Variants in PIAS4 observed in about 807,000 individuals in gnomAD.
PIAS4 encodes protein inhibitor of activated STAT 4.
PIAS4 carries 7 observed loss-of-function variants against 58.0 expected under a neutral mutation model. The observed-to-expected ratio is 0.12, with a 90% CI of 0.07 to 0.23. The LOEUF is 0.23. Among genes scored for constraint, PIAS4 ranks in the 10% least tolerant of loss-of-function variants. PIAS4 has a pLI of 1.00. For synonymous variants in PIAS4, 364 were observed against 312.4 expected, an observed-to-expected ratio of 1.17 and a Z score of -1.74; for missense variants, 550 against 709.5, an observed-to-expected ratio of 0.78 and a Z score of 2.55.
At chr19:4,012,620 C>T (rs2040007012) in intron 1 of PIAS4, among the ~76,000 whole-genome samples, 1 of 152,124 alleles carries the variant, frequency 6.6e-6, no homozygotes, top group African/African-American at 2.4e-5. Context: ...TCAGTTCCTG[C>T]CCTGGGGATG....
chr19:4,012,637 G>C (rs1205790588), intron 1 of PIAS4, among the ~76,000 whole-genome samples: 1 of 152,160 alleles, frequency 6.6e-6, no homozygotes, highest in African/African-American at 2.4e-5. Flanking sequence ...GATGCTTTCA[G>C]GCTGAAGACA....
intron 7 of PIAS4, 130 bp from the exon 8 acceptor site, chr19:4,032,970 C>A: frequency 2.8e-6 from 2 of 721,124 alleles, no homozygotes; most frequent in South Asian, 3.5e-5. Context: ...AGCCACACAG[C>A]GAAGCTTGGG....
In PIAS4 at chr19:4,013,222, C is replaced by T. The variant is rs200263018; in HGVS notation, c.327C>T (p.Pro109=). 65 of 1,613,538 alleles carry T rather than the reference C, an allele frequency of 4.0e-5. No individual in the cohort carries two copies. Among genetic ancestry groups the T allele is most frequent in the East Asian group, 2.9e-4 (13 of 44,884 alleles). ...TPLAGPNIDY[P]VLYGKYLNGL... Reference sequence around the variant, plus strand: ...TGGCAGGCCCCAATATTGACTACCCCGTGCTCTACGGAAAGTACTTAAACG... The same window carrying T: ...TGGCAGGCCCCAATATTGACTACCCTGTGCTCTACGGAAAGTACTTAAACG... The change falls in exon 2 of 11, where the codon CCC becomes CCT. Residue 109 remains proline (P), a synonymous_variant. Transcript: ENST00000262971. This position sits in a 1 kb window ranked among gnomAD's most constrained non-coding sequence, Gnocchi z 5.1.
At chr19:4,036,718 ATC>A (rs2040297231) in intron 9 of PIAS4, among the ~76,000 whole-genome samples, 1 of 120,692 alleles carries the variant, frequency 8.3e-6, no homozygotes, top group South Asian at 2.7e-4. Context: ...ACACACACAC[ATC>A]TCTACAGTCC....
chr19:4,012,510 A>AC (rs906275600), intron 1 of PIAS4, among the ~76,000 whole-genome samples: 36 of 152,082 alleles, frequency 2.4e-4, no homozygotes, highest in Admixed American at 8.5e-4. Flanking sequence ...CCAGTGCTTT[A>AC]TGTCATTATC....
chr19:4,033,589 G>A lies in PIAS4; in HGVS notation c.1142+9G>A, dbSNP rs201403483. On this transcript the variant is annotated intron_variant, in intron 9 of 10. Coordinates refer to ENST00000262971, the MANE Select transcript of PIAS4 (RefSeq NM_015897.4). Reference sequence around the variant, plus strand: ...CAGCTCATCATCGACGGGTGAGCCCGGGGCCCCGGGGAGGGCGGCCGGAGC... The same window carrying A: ...CAGCTCATCATCGACGGGTGAGCCCAGGGCCCCGGGGAGGGCGGCCGGAGC... 53 of 1,591,790 alleles carry A rather than the reference G, an allele frequency of 3.3e-5. No homozygotes were observed. In the Admixed American group the frequency reaches 4.1e-4, roughly 12 times the overall value.
In PIAS4 at chr19:4,037,259, G is replaced by T; in HGVS notation, c.1143-115G>T. 7.4e-7 allele frequency: 1 copy of T among 1,343,460 alleles called. No homozygotes were observed. Among genetic ancestry groups the T allele is most frequent in the Non-Finnish European group, 1.0e-6 (1 of 996,834 alleles). 83.2% of individuals were successfully genotyped at this position (1,343,460 alleles called of 1,614,324 possible). On this transcript the variant is annotated intron_variant, in intron 9 of 10. Transcript: ENST00000262971. The surrounding 1 kb of genome is among the most constrained non-coding windows in gnomAD (Gnocchi z 5.8). ...CCCCTGCGGTCGGGGTGGTGAGGCT[G>T]CTCTTGCAGAGAGAAGTGGGGAGTG...
chr19:4,011,682 GA>G (rs1363307304), intron 1 of PIAS4, among the ~76,000 whole-genome samples: 1 of 138,168 alleles, frequency 7.2e-6, no homozygotes, highest in Non-Finnish European at 1.7e-5. Flanking sequence ...GGGGGGTGTG[GA>G]GGTGTGTGGG....
intron 2 of PIAS4, among the ~76,000 whole-genome samples, chr19:4,016,761 G>A (rs1031477074): frequency 6.6e-6 from 1 of 152,190 alleles, no homozygotes; most frequent in Admixed American, 6.5e-5. Flanking sequence ...GGCAGAGGCC[G>A]ATGGCCAGAG....
At position 4,020,211 on chromosome 19, in the gene PIAS4, C is replaced by T. The variant is rs879441791; in HGVS notation, c.455-3825C>T. ...GATTACAGGCGTGAGCCACTGCACC[C>T]GGCTTCTCGTGGGTTTTAATTGAGA... On this transcript the variant is annotated intron_variant, in intron 2 of 10. Coordinates refer to ENST00000262971, the MANE Select transcript of PIAS4 (RefSeq NM_015897.4). Among the ~76,000 whole-genome samples the T allele has an allele frequency of 1.2e-4, 18 of 152,288 alleles. No individual in the cohort carries two copies. In the East Asian group the frequency reaches 1.7e-3, roughly 15 times the overall value.
Position 4,037,917 on chromosome 19 carries a change from A to T in PIAS4, c.*42A>T. The T allele has an allele frequency of 6.4e-7, 1 of 1,553,888 alleles. No homozygotes were observed. On this transcript the variant is annotated 3_prime_UTR_variant, in exon 11 of 11. Transcript: ENST00000262971. The surrounding 1 kb of genome is among the most constrained non-coding windows in gnomAD (Gnocchi z 5.8). ...GACTTTCCTGGTGCTCACCACGCAG[A>T]GGGGCACGGGCCAGCCTCGGGCGCA... is the stretch of plus-strand genomic sequence containing the variant.
At chr19:4,008,162 C>T (rs1046606595) in intron 1 of PIAS4, among the ~76,000 whole-genome samples, 11 of 152,146 alleles carry the variant, frequency 7.2e-5, no homozygotes, top group South Asian at 6.2e-4. Flanking sequence ...CCTCTTGGTT[C>T]CGAGCCGGGG....
chr19:4,027,056 G>A (rs2040172408), intron 3 of PIAS4, among the ~76,000 whole-genome samples: 1 of 151,586 alleles, frequency 6.6e-6, no homozygotes, highest in South Asian at 2.1e-4. Context: ...GTTTCACCAT[G>A]ATAGCCAGGA....
At chr19:4,031,252 G>A (rs1599230269) in intron 7 of PIAS4, among the ~76,000 whole-genome samples, 1 of 152,264 alleles carries the variant, frequency 6.6e-6, no homozygotes, top group South Asian at 2.1e-4. Context: ...ACTGCCAGGG[G>A]CCTGCGAGCC....
chr19:4,037,859 T>C lies in PIAS4; in HGVS notation c.1517T>C (p.Leu506Pro). The change falls in exon 11 of 11, where the codon CTG (leucine) becomes CCG (proline). Residue 506 changes from leucine (L) to proline (P), a missense_variant. Around this residue, in one of 4 missense-constraint regions of PIAS4, gnomAD observed 188 missense variants for 192.0 expected, o/e 0.98. Coordinates refer to ENST00000262971, the MANE Select transcript of PIAS4 (RefSeq NM_015897.4). This position sits in a 1 kb window ranked among gnomAD's most constrained non-coding sequence, Gnocchi z 5.8. Reference protein sequence around the residue: ...PKRRCPFQKGLVPAC With the variant: ...PKRRCPFQKGPVPAC ...CGCCGCTGCCCCTTCCAGAAGGGCC[T>C]GGTGCCGGCCTGCTGACCCCGGCCG... 1 of 1,566,174 alleles carries C rather than the reference T, an allele frequency of 6.4e-7. No individual in the cohort carries two copies. The highest frequency in any genetic ancestry group is 2.3e-5 in the East Asian group (1 of 42,790).
At position 4,026,408 on chromosome 19, in the gene PIAS4, AGGC is replaced by A. The variant is rs570962809; in HGVS notation, c.540-1736_540-1734del. Among the ~76,000 whole-genome samples, 44 of 151,844 alleles carry A rather than the reference AGGC, an allele frequency of 2.9e-4. No homozygotes were observed. In the East Asian group the frequency reaches 8.6e-3, roughly 30 times the overall value. On this transcript the variant is annotated intron_variant, in intron 3 of 10. Transcript: ENST00000262971. ...CTGCCTCCCAAAGTGCTGGGATTACAGGCGTGAGCCACCCTGCCCATCCCACAT... is the reference window on the plus strand; with the variant it reads ...CTGCCTCCCAAAGTGCTGGGATTACAGTGAGCCACCCTGCCCATCCCACAT...
intron 7 of PIAS4, among the ~76,000 whole-genome samples, chr19:4,029,780 G>C (rs1484573353): frequency 6.8e-6 from 1 of 147,796 alleles, no homozygotes; most frequent in Non-Finnish European, 1.5e-5. Flanking sequence ...AGTAGCTTGG[G>C]ACCACATGTG....
At position 4,039,010 on chromosome 19, in the gene PIAS4, C is replaced by T. The variant is rs1025137737; in HGVS notation, c.*1135C>T. ...CAGGGTCCAACAACTGGGGGAGCTA[C>T]CAGGGCTCTGCCTTCAGGAGCCCAC... On this transcript the variant is annotated 3_prime_UTR_variant, in exon 11 of 11. Coordinates refer to ENST00000262971, the MANE Select transcript of PIAS4 (RefSeq NM_015897.4). 3 of 152,322 alleles carry T rather than the reference C, an allele frequency of 2.0e-5. No individual in the cohort carries two copies. The highest frequency in any genetic ancestry group is 7.2e-5 in the African/African-American group (3 of 41,456). 9.4% of individuals were successfully genotyped at this position (152,322 alleles called of 1,614,324 possible). A position where few individuals can be genotyped will look rare whatever the true frequency, so the allele number is the denominator to read the frequency against.
chr19:4,009,053 G>A (rs1161050631), intron 1 of PIAS4, among the ~76,000 whole-genome samples: 3 of 152,112 alleles, frequency 2.0e-5, no homozygotes, highest in South Asian at 2.1e-4. Flanking sequence ...GTACCTTCTT[G>A]TAGGTGCCTA....
Sources: allele counts gnomAD v4.1 joint callset (sites outside exome capture counted in the v4.1 genomes callset), GRCh38; gene constraint gnomAD v4.1.1; regional missense constraint gnomAD v4.1.1; non-coding constraint Gnocchi (gnomAD v3.1); transcripts MANE v1.5; gene names NCBI Gene and HGNC (gene_info 2026-07-23, HGNC 2026-07-21).